SYN2: variants seen among roughly 807,000 people sequenced by gnomAD.
SYN2 encodes the protein synapsin-2.
In SYN2, 19 loss-of-function variants were observed where a neutral mutation model predicts 50.9. That is an observed-to-expected ratio of 0.37 (90% CI 0.26 to 0.55). The LOEUF (loss-of-function observed/expected upper bound fraction) is 0.55, where lower values mean the gene tolerates loss of function less well. Ranked by LOEUF, SYN2 falls within the 20% of genes least tolerant of loss-of-function variation. SYN2 has a pLI of 0.81. For missense variants in SYN2, 587 were observed against 576.4 expected, an observed-to-expected ratio of 1.02 and a Z score of -0.19; for synonymous variants, 255 against 224.9, an observed-to-expected ratio of 1.13 and a Z score of -1.20.
intron 1 of SYN2, among the ~76,000 whole-genome samples, chr3:12,024,991 T>C (rs888784172): frequency 3.3e-5 from 5 of 152,182 alleles, no homozygotes; most frequent in Non-Finnish European, 7.3e-5. Context: ...ACAACAGAAA[T>C]TTATTTCTCA....
At chr3:12,156,530 A>C (rs940262915) in intron 5 of SYN2, among the ~76,000 whole-genome samples, 38 of 152,232 alleles carry the variant, frequency 2.5e-4, no homozygotes, top group African/African-American at 9.2e-4. Context: ...ATACTAATTT[A>C]AACTATTTGA....
intron 1 of SYN2, among the ~76,000 whole-genome samples, chr3:12,062,411 C>T (rs1424032714): frequency 6.6e-6 from 1 of 151,816 alleles, no homozygotes; most frequent in Non-Finnish European, 1.5e-5. Context: ...TGGAAGAAAA[C>T]ACAGGAGGAA....
At chr3:12,146,454 G>A (rs1175263400) in intron 4 of SYN2, among the ~76,000 whole-genome samples, 1 of 152,212 alleles carries the variant, frequency 6.6e-6, no homozygotes, top group Admixed American at 6.5e-5. Flanking sequence ...AAAGTAAGGT[G>A]TAGAAAACTA....
In SYN2 at chr3:12,175,661, A is replaced by AT. The variant is rs1253068991; in HGVS notation, c.1308+5758dup. Among the ~76,000 whole-genome samples, 4 of 152,162 alleles carry AT rather than the reference A, an allele frequency of 2.6e-5. 1 individual carries two copies. The East Asian group carries it at 7.7e-4, about 29-fold the overall frequency. Reference sequence around the variant, plus strand: ...CCTTAGCTCCACCATGAGTGCTTTCATTTATTTGATTCTAGAGGAACACCT... The same window carrying AT: ...CCTTAGCTCCACCATGAGTGCTTTCATTTTATTTGATTCTAGAGGAACACCT... On this transcript the variant is annotated intron_variant, in intron 10 of 12. Coordinates refer to ENST00000621198, the MANE Select transcript of SYN2 (RefSeq NM_133625.6).
chr3:12,111,981 G>A (rs1229364225), intron 1 of SYN2, among the ~76,000 whole-genome samples: 2 of 152,204 alleles, frequency 1.3e-5, no homozygotes, highest in Non-Finnish European at 2.9e-5. Context: ...CTTCTGGGAA[G>A]GCAACTTTCA....
chr3:12,065,046 A>G (rs1161894317), intron 1 of SYN2, among the ~76,000 whole-genome samples: 1 of 152,194 alleles, frequency 6.6e-6, no homozygotes, highest in East Asian at 1.9e-4. Context: ...AAATGGAATT[A>G]AGTACTGATA....
chr3:12,167,848 G>A (rs553873963), intron 8 of SYN2, among the ~76,000 whole-genome samples: 5 of 152,108 alleles, frequency 3.3e-5, no homozygotes, highest in Non-Finnish European at 7.3e-5. Context: ...AAATATGGAC[G>A]GAGAAGGCCA....
chr3:12,007,874 T>C (rs574164982), intron 1 of SYN2, among the ~76,000 whole-genome samples: 7 of 152,226 alleles, frequency 4.6e-5, no homozygotes, highest in African/African-American at 1.7e-4. Context: ...GTTTTTCTTT[T>C]GCTGGAAATG....
At chr3:12,056,243 G>GT (rs1198655804) in intron 1 of SYN2, among the ~76,000 whole-genome samples, 1 of 151,700 alleles carries the variant, frequency 6.6e-6, no homozygotes, top group Non-Finnish European at 1.5e-5. Context: ...GCATAAGGAA[G>GT]TAATTCCATA....
At chr3:12,018,490 A>G (rs1694066581) in intron 1 of SYN2, among the ~76,000 whole-genome samples, 1 of 152,204 alleles carries the variant, frequency 6.6e-6, no homozygotes, top group Admixed American at 6.5e-5. Context: ...GTGGGCAAAA[A>G]TATCAGTTCT....
At chr3:12,123,589 T>C (rs957809138) in intron 1 of SYN2, among the ~76,000 whole-genome samples, 1 of 152,090 alleles carries the variant, frequency 6.6e-6, no homozygotes, top group African/African-American at 2.4e-5. Context: ...GGCAATGTAG[T>C]GAGACCCTGT....
intron 1 of SYN2, among the ~76,000 whole-genome samples, chr3:12,131,997 T>C (rs1030305085): frequency 2.0e-4 from 30 of 151,870 alleles, no homozygotes; most frequent in African/African-American, 6.0e-4. Context: ...TCTTTTTCTT[T>C]TTCTTTTTTT....
intron 3 of SYN2, among the ~76,000 whole-genome samples, chr3:12,143,807 A>G (rs888370578): frequency 6.6e-6 from 1 of 152,184 alleles, no homozygotes; most frequent in Non-Finnish European, 1.5e-5. Context: ...ATACTCAGTA[A>G]TGGTATTGCT....
intron 1 of SYN2, among the ~76,000 whole-genome samples, chr3:12,075,889 A>G (rs893661644): frequency 6.6e-6 from 1 of 152,284 alleles, no homozygotes; most frequent in East Asian, 1.9e-4. Flanking sequence ...CATATAGCTG[A>G]TAATATTACC....
intron 1 of SYN2, among the ~76,000 whole-genome samples, chr3:12,007,053 A>G (rs535911746): frequency 9.2e-5 from 14 of 152,270 alleles, no homozygotes; most frequent in East Asian, 7.7e-4. Context: ...ACTGATACTT[A>G]TTTGTATGGG....
chr3:12,187,292 C>A (rs1366703156), intron 11 of SYN2, 77 bp from the exon 12 acceptor site: 2 of 1,460,336 alleles, frequency 1.4e-6, no homozygotes, highest in Non-Finnish European at 1.8e-6. Flanking sequence ...ACTAACCACA[C>A]CCTTTGAGGC....
intron 1 of SYN2, among the ~76,000 whole-genome samples, chr3:12,027,403 A>T (rs1279342860): frequency 1.3e-5 from 2 of 152,156 alleles, no homozygotes; most frequent in African/African-American, 4.8e-5. Flanking sequence ...CACATATGAA[A>T]GATGTCGTAC....
intron 1 of SYN2, among the ~76,000 whole-genome samples, chr3:12,065,748 G>A (rs762258492): frequency 2.0e-5 from 3 of 152,114 alleles, no homozygotes; most frequent in Non-Finnish European, 4.4e-5. Context: ...TAACTGTTGA[G>A]TACTATGCTC....
intron 1 of SYN2, among the ~76,000 whole-genome samples, chr3:12,023,067 A>G (rs1694179992): frequency 6.6e-6 from 1 of 152,194 alleles, no homozygotes; most frequent in Admixed American, 6.5e-5. Flanking sequence ...AGAACTGGCA[A>G]GTAATCTTAG....
Sources: allele counts gnomAD v4.1 joint callset (sites outside exome capture counted in the v4.1 genomes callset), GRCh38; gene constraint gnomAD v4.1.1; transcripts MANE v1.5; gene names NCBI Gene and HGNC (gene_info 2026-07-23, HGNC 2026-07-21).